Variants in DPP4 observed in about 807,000 individuals in gnomAD.
DPP4 encodes the protein dipeptidyl peptidase 4.
In DPP4, 93 loss-of-function variants were observed where a neutral mutation model predicts 122.4. The observed-to-expected ratio is 0.76, with a 90% CI of 0.64 to 0.90. The LOEUF (loss-of-function observed/expected upper bound fraction) is 0.90. Among genes scored for constraint, DPP4 ranks in the 40% least tolerant of loss-of-function variants. DPP4 has a pLI of 0.00. For missense variants in DPP4, 914 were observed against 907.3 expected (o/e 1.01, Z -0.09); for synonymous variants, 321 against 302.9 (o/e 1.06, Z -0.62).
At chr2:161,996,641 G>A (rs1701012786) in intron 23 of DPP4, among the ~76,000 whole-genome samples, 2 of 152,082 alleles carry the variant, frequency 1.3e-5, no homozygotes. Context: ...TGCTTTCTAT[G>A]GTTTCAGTTA....
intron 10 of DPP4, among the ~76,000 whole-genome samples, chr2:162,029,403 TC>T (rs2106112762): frequency 6.6e-6 from 1 of 152,340 alleles, no homozygotes; most frequent in Non-Finnish European, 1.5e-5. Flanking sequence ...GGCCTCAGGC[TC>T]CATGCCACCC....
At chr2:162,063,384 TGG>T (rs1684847458) in intron 2 of DPP4, among the ~76,000 whole-genome samples, 2 of 152,036 alleles carry the variant, frequency 1.3e-5, no homozygotes, top group African/African-American at 4.8e-5. Context: ...AAGTTGTAAA[TGG>T]TATTTGAGGC....
chr2:162,040,379 A>G (rs957724595), intron 5 of DPP4, among the ~76,000 whole-genome samples: 3 of 150,872 alleles, frequency 2.0e-5, no homozygotes, highest in Non-Finnish European at 3.0e-5. Context: ...ATTTAATGAT[A>G]AGAAGAATGA....
chr2:162,020,311 T>TC lies in DPP4; in HGVS notation c.1177-16_1177-15insG. 6.5e-7 allele frequency: 1 copy of TC among 1,537,018 alleles called. No individual in the cohort carries two copies. The highest frequency in any genetic ancestry group is 8.7e-7 in the Non-Finnish European group (1 of 1,149,642). The stretch of plus-strand genomic sequence containing the variant: ...AATGTGCAGTCCTGATGGTTTTTTT[T>TC]TTTTTTCAAAAAAAAAAAAAAGATT... On this transcript the variant is annotated splice_polypyrimidine_tract_variant and intron_variant, in intron 13 of 25. Coordinates refer to ENST00000360534, the MANE Select transcript of DPP4 (RefSeq NM_001935.4).
At chr2:162,039,311 T>A in intron 5 of DPP4, 127 bp from the exon 6 acceptor site, 1 of 833,484 alleles carries the variant, frequency 1.2e-6, no homozygotes, top group Non-Finnish European at 1.9e-6. Flanking sequence ...TCATATCTTA[T>A]AATTTCCTCC....
At chr2:162,044,429 GGTGAGTGTTGGTGTGTGAGCGTTGGTGT>G (rs1360891753) in intron 5 of DPP4, among the ~76,000 whole-genome samples, 9 of 148,822 alleles carry the variant, frequency 6.0e-5, no homozygotes, top group African/African-American at 9.8e-5. Flanking sequence ...AGTGTTGGTG[GGTGAGTGTTGGTGTGTGAGCGTTGGTGT>G]GTGAGTGTTG....
intron 5 of DPP4, among the ~76,000 whole-genome samples, chr2:162,044,648 C>T (rs780189506): frequency 3.3e-5 from 5 of 152,176 alleles, no homozygotes; most frequent in Non-Finnish European, 5.9e-5. Flanking sequence ...TATACTTGAA[C>T]AACTTGTCAA....
At position 162,022,751 on chromosome 2, in the gene DPP4, T is replaced by C; in HGVS notation, c.1068+4A>G. On this transcript the variant is annotated splice_donor_region_variant and intron_variant, in intron 12 of 25. Coordinates refer to ENST00000360534, the MANE Select transcript of DPP4 (RefSeq NM_001935.4). ...CATAAAACCCCACAACTTATAACAC[T>C]TACTCTTCCAACCCAGCCAGTAGTA... 6.2e-7 allele frequency: 1 copy of C among 1,614,036 alleles called. No individual in the cohort carries two copies. Among genetic ancestry groups the C allele is most frequent in the Non-Finnish European group, 8.5e-7 (1 of 1,179,992 alleles).
At chr2:162,060,460 T>A (rs1409836563) in intron 2 of DPP4, among the ~76,000 whole-genome samples, 1 of 152,204 alleles carries the variant, frequency 6.6e-6, no homozygotes, top group Admixed American at 6.5e-5. Flanking sequence ...ACTTTCATCA[T>A]CTTTTTCCTG....
intron 2 of DPP4, among the ~76,000 whole-genome samples, chr2:162,060,599 A>C (rs1377182377): frequency 6.6e-6 from 1 of 152,210 alleles, no homozygotes; most frequent in Non-Finnish European, 1.5e-5. Flanking sequence ...TTTTGAAAAA[A>C]TTATAAAATT....
rs923913326 is a variant in DPP4, at chr2:162,020,659, A to T, written c.1098T>A (p.Leu366=). The change falls in exon 13 of 26, where the codon CTT becomes CTA. Residue 366 remains leucine (L), a synonymous_variant. Transcript: ENST00000360534. ...TGATCTTGTAGAAGCTATTACCATC[A>T]AGGGTAAAATGAGGTTCTGAAGGCC... ...RFRPSEPHFT[L]DGNSFYKIIS... is the part of the protein sequence containing the mutation. 1 of 1,612,310 alleles carries T rather than the reference A, an allele frequency of 6.2e-7. No individual in the cohort carries two copies. Among genetic ancestry groups the T allele is most frequent in the African/African-American group, 1.3e-5 (1 of 74,842 alleles).
rs1322401111 is a variant in DPP4 at position 162,074,066 on chromosome 2, C to T, written c.-85G>A. On this transcript the variant is annotated 5_prime_UTR_variant, in exon 1 of 26. Coordinates refer to ENST00000360534, the MANE Select transcript of DPP4 (RefSeq NM_001935.4). Reference sequence around the variant, plus strand: ...GGCGGCGGAGACGCGCGTCCTGCACCGCTGCTCCGGGCGGTGGAGTCACTC... The same window carrying T: ...GGCGGCGGAGACGCGCGTCCTGCACTGCTGCTCCGGGCGGTGGAGTCACTC... 3 of 1,548,212 alleles carry T rather than the reference C, an allele frequency of 1.9e-6. No homozygotes were observed. Among genetic ancestry groups the T allele is most frequent in the Middle Eastern group, 1.8e-4 (1 of 5,638 alleles).
intron 2 of DPP4, among the ~76,000 whole-genome samples, chr2:162,065,217 A>C (rs1684910119): frequency 6.6e-6 from 1 of 152,224 alleles, no homozygotes; most frequent in Admixed American, 6.5e-5. Context: ...GAAAGTTTGC[A>C]TCTGGTCAGA....
chr2:162,011,238 TG>T (rs1339679012), intron 20 of DPP4, among the ~76,000 whole-genome samples: 1 of 152,008 alleles, frequency 6.6e-6, no homozygotes. Flanking sequence ...AGCACAAGAA[TG>T]AGATGTGGTT....
chr2:162,042,766 G>A (rs1684031755), intron 5 of DPP4, among the ~76,000 whole-genome samples: 1 of 152,182 alleles, frequency 6.6e-6, no homozygotes, highest in Admixed American at 6.5e-5. Context: ...AGGCACAGAG[G>A]TGTGGCAGTG....
intron 10 of DPP4, among the ~76,000 whole-genome samples, chr2:162,028,145 TG>T (rs1683405136): frequency 6.6e-6 from 1 of 151,870 alleles, no homozygotes; most frequent in African/African-American, 2.4e-5. Flanking sequence ...GTGGATCATT[TG>T]AGGCCAGGAG....
chr2:162,029,915 C>T (rs1438795839), intron 10 of DPP4, among the ~76,000 whole-genome samples: 1 of 152,168 alleles, frequency 6.6e-6, no homozygotes, highest in Admixed American at 6.5e-5. Context: ...ATTCTATACA[C>T]ACAAAGCCAT....
intron 16 of DPP4, 198 bp from the exon 17 acceptor site, chr2:162,017,353 A>T: frequency 1.8e-6 from 1 of 570,908 alleles, no homozygotes; most frequent in Non-Finnish European, 3.1e-6. Flanking sequence ...TCAGTGTAAG[A>T]AGTATTACTG....
At chr2:162,064,886 T>A (rs1684898023) in intron 2 of DPP4, among the ~76,000 whole-genome samples, 3 of 152,200 alleles carry the variant, frequency 2.0e-5, no homozygotes, top group Non-Finnish European at 4.4e-5. Flanking sequence ...GAATTACAGC[T>A]CCAGATTTTT....
Sources: allele counts gnomAD v4.1 joint callset (sites outside exome capture counted in the v4.1 genomes callset), GRCh38; gene constraint gnomAD v4.1.1; transcripts MANE v1.5; gene names NCBI Gene and HGNC (gene_info 2026-07-23, HGNC 2026-07-21).